The following UTRN variants were observed in gnomAD, a reference collection of about 807,000 sequenced individuals.
The protein encoded by UTRN is utrophin.
In UTRN, 283 loss-of-function variants were observed where a neutral mutation model predicts 463.9. That is an observed-to-expected ratio of 0.61 (90% CI 0.55 to 0.67). The LOEUF is 0.67. Among genes scored for constraint, UTRN ranks in the 30% least tolerant of loss-of-function variants. The probability of loss-of-function intolerance (pLI) is 0.00; values close to 1 mark genes in which losing one functional copy is unlikely to be tolerated. For synonymous variants in UTRN, 1,442 were observed against 1,431.5 expected (o/e 1.01, Z -0.17); for missense variants, 3,922 against 4,084.3 (o/e 0.96, Z 1.08).
intron 54 of UTRN, among the ~76,000 whole-genome samples, chr6:144,733,646 T>C (rs1789032263): frequency 6.6e-6 from 1 of 152,220 alleles, no homozygotes; most frequent in African/African-American, 2.4e-5. Context: ...TTGTCATGGA[T>C]GTGCTACCTT....
rs1794111585 is a variant in UTRN, at chr6:144,772,040, T to TG, written c.8557+72_8557+73insG. On this transcript the variant is annotated intron_variant, in intron 59 of 74. Coordinates refer to ENST00000367545, the MANE Select transcript of UTRN (RefSeq NM_007124.3). ...GGTTTTTTTTTTTTTTTTTTTTTTT[T>TG]TTTTTTTTTTTTTAAGGTGGATTCT... 3 of 1,090,350 alleles carry TG rather than the reference T, an allele frequency of 2.8e-6. No individual in the cohort carries two copies. The South Asian group carries it at 5.2e-5, about 19-fold the overall frequency. 67.5% of individuals were successfully genotyped at this position (1,090,350 alleles called of 1,614,324 possible).
intron 2 of UTRN, among the ~76,000 whole-genome samples, chr6:144,337,166 CACACACACACAG>C (rs1463721712): frequency 7.0e-6 from 1 of 142,054 alleles, no homozygotes; most frequent in Non-Finnish European, 1.5e-5. Flanking sequence ...CACACACAGA[CACACACACACAG>C]ACACACACAC....
At position 144,820,862 on chromosome 6, in the gene UTRN, A is replaced by G; in HGVS notation, c.9358-20A>G. 6.2e-7 allele frequency: 1 copy of G among 1,605,910 alleles called. No homozygotes were observed. Among genetic ancestry groups the G allele is most frequent in the African/African-American group, 1.3e-5 (1 of 74,752 alleles). On this transcript the variant is annotated intron_variant, in intron 65 of 74. Transcript: ENST00000367545. ...CCTTCCATTTTACTGAGAGAAGTGTAATTGTTTTCAACCTTATAGACAACA... is the reference window on the plus strand; with the variant it reads ...CCTTCCATTTTACTGAGAGAAGTGTGATTGTTTTCAACCTTATAGACAACA...
intron 61 of UTRN, among the ~76,000 whole-genome samples, chr6:144,784,028 A>G (rs570128069): frequency 2.4e-4 from 37 of 152,342 alleles, no homozygotes; most frequent in Middle Eastern, 3.4e-3. Context: ...GCTTTTTCAT[A>G]GTAAATTCAC....
chr6:144,641,120 C>T (rs942656647), intron 51 of UTRN, among the ~76,000 whole-genome samples: 1 of 152,070 alleles, frequency 6.6e-6, no homozygotes, highest in Non-Finnish European at 1.5e-5. Flanking sequence ...TAAGGATGCA[C>T]CTATGACACA....
intron 66 of UTRN, among the ~76,000 whole-genome samples, chr6:144,824,602 A>ATC: frequency 2.6e-5 from 1 of 37,976 alleles, no homozygotes; most frequent in African/African-American, 2.1e-4. Flanking sequence ...ATATATATAT[A>ATC]TATATATATA....
intron 53 of UTRN, among the ~76,000 whole-genome samples, chr6:144,729,853 G>T (rs1016521672): frequency 3.3e-5 from 5 of 152,190 alleles, no homozygotes; most frequent in African/African-American, 9.6e-5. Context: ...GTTTATTTTT[G>T]ATTTCATGTA....
intron 51 of UTRN, 25 bp downstream of exon 51, chr6:144,577,313 G>GT: frequency 6.2e-7 from 1 of 1,609,532 alleles, no homozygotes; most frequent in South Asian, 1.1e-5. Context: ...AACCACACCA[G>GT]TACCTGTGTT....
intron 3 of UTRN, among the ~76,000 whole-genome samples, chr6:144,409,904 C>A (rs1783735150): frequency 6.6e-6 from 1 of 152,140 alleles, no homozygotes; most frequent in African/African-American, 2.4e-5. Flanking sequence ...TGCATGCAGG[C>A]AGTTGGCTAA....
At chr6:144,353,108 C>A (rs768336054) in intron 2 of UTRN, among the ~76,000 whole-genome samples, 1 of 151,598 alleles carries the variant, frequency 6.6e-6, no homozygotes, top group Non-Finnish European at 1.5e-5. Context: ...ACGCTCAGCT[C>A]ATTTTTCGGA....
chr6:144,639,515 G>A lies in UTRN; in HGVS notation c.7480-38891G>A, dbSNP rs543316975. 1.6e-3 allele frequency among the ~76,000 whole-genome samples: 238 copies of A among 152,194 alleles called. 2 individuals are homozygous for A. Among genetic ancestry groups the A allele is most frequent in the Middle Eastern group, 6.8e-3 (2 of 294 alleles). On this transcript the variant is annotated intron_variant, in intron 51 of 74. Coordinates refer to ENST00000367545, the MANE Select transcript of UTRN (RefSeq NM_007124.3). ...CTGCTCACTGGACATACAAGTTCGTGATTCAACAGACCCTTTAAAACTCAA... is the reference window on the plus strand; with the variant it reads ...CTGCTCACTGGACATACAAGTTCGTAATTCAACAGACCCTTTAAAACTCAA...
At chr6:144,823,815 G>A (rs1779798341) in intron 66 of UTRN, among the ~76,000 whole-genome samples, 1 of 152,120 alleles carries the variant, frequency 6.6e-6, no homozygotes, top group Non-Finnish European at 1.5e-5. Context: ...TAAAGAGATA[G>A]GTTGGTTTCC....
At position 144,436,942 on chromosome 6, in the gene UTRN, A is replaced by G. The variant is rs189836509; in HGVS notation, c.1060-623A>G. 5.2e-3 allele frequency among the ~76,000 whole-genome samples: 753 copies of G among 145,694 alleles called. 4 individuals are homozygous for G. The highest frequency in any genetic ancestry group is 8.8e-3 in the Non-Finnish European group (587 of 66,654). On this transcript the variant is annotated intron_variant, in intron 10 of 74. Coordinates refer to ENST00000367545, the MANE Select transcript of UTRN (RefSeq NM_007124.3). ...TATATGTATATGTATATGTGTGTGTATATATATATATTTATAATTTTTTTT... is the reference window on the plus strand; with the variant it reads ...TATATGTATATGTATATGTGTGTGTGTATATATATATTTATAATTTTTTTT...
At chr6:144,602,365 C>G (rs1287770605) in intron 51 of UTRN, among the ~76,000 whole-genome samples, 1 of 151,954 alleles carries the variant, frequency 6.6e-6, no homozygotes, top group African/African-American at 2.4e-5. Context: ...TCTTAAACTC[C>G]TGACATCATG....
chr6:144,298,402 G>A (rs1584183136), intron 2 of UTRN, among the ~76,000 whole-genome samples: 1 of 152,182 alleles, frequency 6.6e-6, no homozygotes, highest in South Asian at 2.1e-4. Context: ...TCCAATCTTT[G>A]CATTTGTGCC....
chr6:144,692,147 GT>G (rs1200166288), intron 52 of UTRN, among the ~76,000 whole-genome samples: 1 of 152,132 alleles, frequency 6.6e-6, no homozygotes, highest in Non-Finnish European at 1.5e-5. Flanking sequence ...GTGGTATTTG[GT>G]TTTCTGTTCC....
At chr6:144,538,787 C>A (rs1797759541) in intron 44 of UTRN, among the ~76,000 whole-genome samples, 1 of 152,078 alleles carries the variant, frequency 6.6e-6, no homozygotes, top group East Asian at 1.9e-4. Flanking sequence ...ATGATTGAAG[C>A]ATTTTGAGAA....
intron 3 of UTRN, among the ~76,000 whole-genome samples, chr6:144,417,693 A>G (rs1002352209): frequency 1.3e-5 from 2 of 152,208 alleles, no homozygotes; most frequent in Admixed American, 6.5e-5. Context: ...GTGAAATTCA[A>G]ATTTTAGTGT....
intron 58 of UTRN, among the ~76,000 whole-genome samples, chr6:144,769,945 C>T (rs1312885039): frequency 1.3e-5 from 2 of 152,130 alleles, no homozygotes; most frequent in Non-Finnish European, 2.9e-5. Flanking sequence ...AAGCTCTGAG[C>T]CTAATGATGA....
Sources: gnomAD v4.1 joint callset for allele counts (sites outside exome capture counted in the v4.1 genomes callset) on GRCh38, gnomAD v4.1.1 for gene constraint, MANE v1.5 for transcripts, NCBI Gene and HGNC (gene_info 2026-07-23, HGNC 2026-07-21) for gene names.